Variants in ABCC9 observed in about 807,000 individuals in gnomAD.
ABCC9 encodes the protein ATP-binding cassette sub-family C member 9.
A neutral mutation model predicts 188.3 loss-of-function variants in ABCC9; 95 were observed. The ratio of observed to expected loss-of-function variants is 0.50; its 90% CI spans 0.43 to 0.60. The LOEUF is 0.60. Among genes scored for constraint, ABCC9 ranks in the 20% least tolerant of loss-of-function variants. The probability of loss-of-function intolerance (pLI) is 0.00; values close to 1 mark genes in which losing one functional copy is unlikely to be tolerated. For missense variants in ABCC9, 1,102 were observed against 1,876.3 expected, an observed-to-expected ratio of 0.59 and a Z score of 7.62; for synonymous variants, 659 against 652.7, an observed-to-expected ratio of 1.01 and a Z score of -0.15.
chr12:21,828,546 T>C (rs1417913479), intron 31 of ABCC9: 1 of 268,686 alleles, frequency 3.7e-6, no homozygotes, highest in East Asian at 9.4e-5. Flanking sequence ...GTTTTCTACA[T>C]TTTGCACTAA....
At chr12:21,937,164 T>C (rs998429386) in intron 2 of ABCC9, among the ~76,000 whole-genome samples, 5 of 152,178 alleles carry the variant, frequency 3.3e-5, no homozygotes, top group African/African-American at 1.2e-4. Context: ...AACATTTCAC[T>C]AGTTGTGGGA....
chr12:21,857,150 C>T (rs1423664161), intron 22 of ABCC9, among the ~76,000 whole-genome samples: 5 of 152,146 alleles, frequency 3.3e-5, no homozygotes, highest in Non-Finnish European at 7.4e-5. Context: ...AGACCAAGAT[C>T]ATAAGACCCA....
intron 31 of ABCC9, among the ~76,000 whole-genome samples, chr12:21,822,277 T>C (rs957167042): frequency 6.6e-6 from 1 of 151,998 alleles, no homozygotes; most frequent in Non-Finnish European, 1.5e-5. Flanking sequence ...CTAGATACTT[T>C]CCAGCTCACT....
At chr12:21,801,468 TA>T (rs769389277) in intron 39 of ABCC9, among the ~76,000 whole-genome samples, 12 of 152,198 alleles carry the variant, frequency 7.9e-5, no homozygotes, top group Non-Finnish European at 1.3e-4. Context: ...TTAAGTAGGG[TA>T]AAATTGTTTA....
At chr12:21,902,835 G>A (rs1209255871) in intron 12 of ABCC9, among the ~76,000 whole-genome samples, 1 of 152,182 alleles carries the variant, frequency 6.6e-6, no homozygotes, top group African/African-American at 2.4e-5. Context: ...GGACCAGATG[G>A]ATTCACAGCT....
At chr12:21,859,769 G>T in intron 21 of ABCC9, 103 bp from the exon 22 acceptor site, 1 of 950,334 alleles carries the variant, frequency 1.1e-6, no homozygotes. Context: ...ATCTTAGATT[G>T]ATAGTAACTT....
intron 31 of ABCC9, among the ~76,000 whole-genome samples, chr12:21,826,327 A>G (rs183765584): frequency 6.6e-6 from 1 of 152,108 alleles, no homozygotes; most frequent in African/African-American, 2.4e-5. Flanking sequence ...TGTAGAGAAC[A>G]GTTCACACCC....
intron 36 of ABCC9, among the ~76,000 whole-genome samples, chr12:21,811,251 GT>G (rs1942217696): frequency 6.6e-6 from 1 of 152,128 alleles, no homozygotes; most frequent in Non-Finnish European, 1.5e-5. Context: ...ATGATTGTAA[GT>G]TTCCTGAGGC....
At chr12:21,840,315 T>G (rs2137355031) in intron 29 of ABCC9, among the ~76,000 whole-genome samples, 1 of 152,330 alleles carries the variant, frequency 6.6e-6, no homozygotes, top group South Asian at 2.1e-4. Flanking sequence ...TCCTTGTTTG[T>G]GAGGTTTAAT....
At chr12:21,814,801 TAA>T in intron 34 of ABCC9, 79 bp from the exon 35 acceptor site, 1 of 1,098,240 alleles carries the variant, frequency 9.1e-7, no homozygotes, top group Non-Finnish European at 1.4e-6. Context: ...TTTTTTAACT[TAA>T]GATATTATGA....
At chr12:21,888,782 A>G (rs2137697348) in intron 14 of ABCC9, among the ~76,000 whole-genome samples, 1 of 152,282 alleles carries the variant, frequency 6.6e-6, no homozygotes, top group African/African-American at 2.4e-5. Flanking sequence ...AAAATAAATA[A>G]GTAAAACAAA....
intron 3 of ABCC9, among the ~76,000 whole-genome samples, chr12:21,935,768 C>T (rs1172520979): frequency 1.3e-5 from 2 of 151,872 alleles, no homozygotes; most frequent in South Asian, 2.1e-4. Flanking sequence ...TTGGTAGGCT[C>T]AATGGATATT....
At chr12:21,811,998 G>T in intron 36 of ABCC9, 51 bp downstream of exon 36, 1 of 1,339,770 alleles carries the variant, frequency 7.5e-7, no homozygotes, top group South Asian at 1.2e-5. Flanking sequence ...CTTTCTATGA[G>T]TCAAAGGCTA....
intron 39 of ABCC9, among the ~76,000 whole-genome samples, chr12:21,803,456 G>T (rs1941613499): frequency 6.6e-6 from 1 of 151,902 alleles, no homozygotes; most frequent in Non-Finnish European, 1.5e-5. Context: ...AGGGGTTCAA[G>T]ACCAGCCTGA....
chr12:21,819,027 A>G (rs1415693530), intron 31 of ABCC9, among the ~76,000 whole-genome samples: 1 of 152,208 alleles, frequency 6.6e-6, no homozygotes, highest in Non-Finnish European at 1.5e-5. Flanking sequence ...GTATGATTCA[A>G]TTATAAACTC....
At position 21,933,953 on chromosome 12, in the gene ABCC9, A is replaced by G. The variant is rs150682670; in HGVS notation, c.143-30T>C. 1,710 of 1,613,056 alleles carry G rather than the reference A, an allele frequency of 1.1e-3. 21 individuals are homozygous for G. The African/African-American group carries it at 0.019, about 17-fold the overall frequency. On this transcript the variant is annotated intron_variant, in intron 3 of 39. Transcript: ENST00000261200. ...AAAAGAGAGAAAAGTTAAAAACAAA[A>G]AGACATAAACCGAAGGCTCAATTGT... is the stretch of plus-strand genomic sequence containing the variant.
chr12:21,909,053 G>A (rs551102310), intron 10 of ABCC9, among the ~76,000 whole-genome samples: 4 of 151,912 alleles, frequency 2.6e-5, no homozygotes, highest in African/African-American at 9.6e-5. Context: ...CCAATGACAC[G>A]TTTACTGCCT....
At chr12:21,843,523 G>A (rs957269026) in intron 28 of ABCC9, among the ~76,000 whole-genome samples, 3 of 152,114 alleles carry the variant, frequency 2.0e-5, no homozygotes, top group African/African-American at 7.2e-5. Context: ...GTTTTTATAG[G>A]TTTTATTGTT....
intron 3 of ABCC9, among the ~76,000 whole-genome samples, chr12:21,934,917 G>T (rs894972882): frequency 4.6e-5 from 7 of 151,976 alleles, no homozygotes; most frequent in African/African-American, 1.4e-4. Context: ...TATTCTACTA[G>T]AACTTATGCT....
Sources: allele counts gnomAD v4.1 joint callset (sites outside exome capture counted in the v4.1 genomes callset), GRCh38; gene constraint gnomAD v4.1.1; transcripts MANE v1.5; gene names NCBI Gene and HGNC (gene_info 2026-07-23, HGNC 2026-07-21).